The following TNFAIP8L3 variants were observed in gnomAD, a reference collection of about 807,000 sequenced individuals.
TNFAIP8L3 encodes TNF alpha induced protein 8 like 3, also known as tumor necrosis factor alpha-induced protein 8-like protein 3.
Under a neutral mutation model 11.8 loss-of-function variants are expected in TNFAIP8L3, and 7 were observed. That is an observed-to-expected ratio of 0.59 (90% CI 0.34 to 1.11). The LOEUF (loss-of-function observed/expected upper bound fraction) is 1.11, where lower values mean the gene tolerates loss of function less well. Ranked by LOEUF, TNFAIP8L3 falls within the 50% of genes most tolerant of loss-of-function variation. The probability of loss-of-function intolerance (pLI) is 0.03; values close to 1 mark genes in which losing one functional copy is unlikely to be tolerated. For synonymous variants in TNFAIP8L3, 98 were observed against 103.8 expected, an observed-to-expected ratio of 0.94 and a Z score of 0.34; for missense variants, 219 against 258.6, an observed-to-expected ratio of 0.85 and a Z score of 1.05.
intron 1 of TNFAIP8L3, among the ~76,000 whole-genome samples, chr15:51,090,159 AT>A (rs1354087189): frequency 2.6e-5 from 4 of 152,194 alleles, no homozygotes; most frequent in Admixed American, 6.5e-5. Flanking sequence ...TGTCTCCTGC[AT>A]TTCCCTGCCT....
chr15:51,078,820 G>C (rs930808468), intron 1 of TNFAIP8L3, among the ~76,000 whole-genome samples: 1 of 151,880 alleles, frequency 6.6e-6, no homozygotes. Context: ...CGAGGCCTCC[G>C]ACTGTCTATT....
rs768378681 is a variant in TNFAIP8L3 at position 51,058,392 on chromosome 15, ATCT to A, written c.101_103del (p.Lys34del). On this transcript the variant is annotated inframe_deletion, in exon 2 of 2. Coordinates refer to ENST00000637513, the MANE Select transcript of TNFAIP8L3 (RefSeq NM_001311175.2). Reference sequence around the variant, plus strand: ...AGTTTTGCTGGCTATTTTGCTCAGAATCTTCTTCTGGGCTTGAAGCGCAAGACT... The same window carrying A: ...AGTTTTGCTGGCTATTTTGCTCAGAATCTTCTGGGCTTGAAGCGCAAGACT... 9 of 1,612,958 alleles carry A rather than the reference ATCT, an allele frequency of 5.6e-6. No individual in the cohort carries two copies. Among genetic ancestry groups the A allele is most frequent in the East Asian group, 4.5e-5 (2 of 44,884 alleles).
At chr15:51,066,225 C>T (rs1487868315) in intron 1 of TNFAIP8L3, among the ~76,000 whole-genome samples, 1 of 149,808 alleles carries the variant, frequency 6.7e-6, no homozygotes, top group Non-Finnish European at 1.5e-5. Context: ...GGCAGTGGCA[C>T]AGTCTCAGCT....
chr15:51,067,784 G>A (rs1486227981), intron 1 of TNFAIP8L3, among the ~76,000 whole-genome samples: 1 of 152,154 alleles, frequency 6.6e-6, no homozygotes, highest in African/African-American at 2.4e-5. Context: ...TTCAAAAAAT[G>A]CCTGAAAGAA....
intron 1 of TNFAIP8L3, among the ~76,000 whole-genome samples, chr15:51,088,403 C>G (rs1314564734): frequency 6.6e-6 from 1 of 152,170 alleles, no homozygotes; most frequent in Non-Finnish European, 1.5e-5. Flanking sequence ...GCCCTATGCT[C>G]CAAATCCTGC....
intron 1 of TNFAIP8L3, among the ~76,000 whole-genome samples, chr15:51,088,810 C>A (rs1158436147): frequency 6.6e-6 from 1 of 152,212 alleles, no homozygotes; most frequent in Non-Finnish European, 1.5e-5. Flanking sequence ...CACGGACTCC[C>A]CTTCAGGAAC....
intron 1 of TNFAIP8L3, among the ~76,000 whole-genome samples, chr15:51,067,766 C>T (rs2065281521): frequency 6.6e-6 from 1 of 152,160 alleles, no homozygotes; most frequent in Non-Finnish European, 1.5e-5. Context: ...GCAAAATAGC[C>T]CAGTGATTTC....
At chr15:51,060,119 G>A (rs926279810) in intron 1 of TNFAIP8L3, among the ~76,000 whole-genome samples, 1 of 152,200 alleles carries the variant, frequency 6.6e-6, no homozygotes, top group Non-Finnish European at 1.5e-5. Flanking sequence ...CTATGAGAAA[G>A]CTCTGACTTC....
At chr15:51,071,148 T>C (rs1005383782) in intron 1 of TNFAIP8L3, among the ~76,000 whole-genome samples, 1 of 142,388 alleles carries the variant, frequency 7.0e-6, no homozygotes, top group African/African-American at 2.6e-5. Context: ...TAAAAACATA[T>C]ACATAAACAT....
rs138639495 is a variant in TNFAIP8L3, at chr15:51,100,173, G to T, written c.172+4832C>A. On this transcript the variant is annotated intron_variant, in intron 1 of 2. Coordinates refer to the TNFAIP8L3 transcript ENST00000327536. ...TTTGTTGAGTATCCTCTGTGTTTCAGGTGCAAAATGAAGGGAAGTGACTGT... is the reference window on the plus strand; with the variant it reads ...TTTGTTGAGTATCCTCTGTGTTTCATGTGCAAAATGAAGGGAAGTGACTGT... Among the ~76,000 whole-genome samples the T allele has an allele frequency of 2.1e-3, 318 of 152,260 alleles. 1 individual carries two copies. Among genetic ancestry groups the T allele is most frequent in the Admixed American group, 4.9e-3 (75 of 15,304 alleles).
chr15:51,095,081 G>T (rs2065503423), upstream of TNFAIP8L3, among the ~76,000 whole-genome samples: 1 of 152,136 alleles, frequency 6.6e-6, no homozygotes, highest in African/African-American at 2.4e-5. Flanking sequence ...AGGTGAAAAA[G>T]AGCTTCAACT....
chr15:51,061,105 T>G (rs1001831963), intron 1 of TNFAIP8L3, among the ~76,000 whole-genome samples: 1 of 152,220 alleles, frequency 6.6e-6, no homozygotes, highest in Non-Finnish European at 1.5e-5. Flanking sequence ...CACTTCACTC[T>G]GGCCTGATCA....
intron 1 of TNFAIP8L3, among the ~76,000 whole-genome samples, chr15:51,073,284 C>T (rs1032616441): frequency 2.0e-5 from 3 of 152,200 alleles, no homozygotes; most frequent in African/African-American, 7.2e-5. Context: ...GCGTGAGCCA[C>T]CACGCCCAGC....
Position 51,057,779 on chromosome 15 carries a change from A to G in TNFAIP8L3, c.*102T>C, listed in dbSNP as rs1399861007. On this transcript the variant is annotated 3_prime_UTR_variant, in exon 2 of 2. Coordinates refer to ENST00000637513, the MANE Select transcript of TNFAIP8L3 (RefSeq NM_001311175.2). The stretch of plus-strand genomic sequence containing the variant: ...GAGGGATGAACAGGAAAGAACATGG[A>G]CATCTTTGACAAGGGTTTCTGCTTA... 1.0e-6 allele frequency: 1 copy of G among 997,798 alleles called. No individual in the cohort carries two copies. The highest frequency in any genetic ancestry group is 2.4e-5 in the East Asian group (1 of 40,990). 61.8% of individuals were successfully genotyped at this position (997,798 alleles called of 1,614,324 possible).
At chr15:51,069,139 G>A (rs770435357) in intron 1 of TNFAIP8L3, among the ~76,000 whole-genome samples, 8 of 152,162 alleles carry the variant, frequency 5.3e-5, no homozygotes, top group Non-Finnish European at 8.8e-5. Context: ...CCCCTCTGCC[G>A]TGTGACCAGC....
At chr15:51,082,159 T>C (rs67145268) in intron 1 of TNFAIP8L3, among the ~76,000 whole-genome samples, 31,734 of 151,764 alleles carry the variant, frequency 0.21, 3,451 homozygotes, top group East Asian at 0.4. Flanking sequence ...TTAGGGGATT[T>C]TGCCATTGGG....
At chr15:51,058,943 A>T (rs1182403767) in intron 1 of TNFAIP8L3, among the ~76,000 whole-genome samples, 1 of 152,234 alleles carries the variant, frequency 6.6e-6, no homozygotes, top group Non-Finnish European at 1.5e-5. Flanking sequence ...CCCACATATC[A>T]TTGGGTCTAA....
At chr15:51,062,013 C>T (rs2065244962) in intron 1 of TNFAIP8L3, among the ~76,000 whole-genome samples, 1 of 152,108 alleles carries the variant, frequency 6.6e-6, no homozygotes, top group African/African-American at 2.4e-5. Context: ...GCCACCACAC[C>T]CTGTAATCCC....
intron 1 of TNFAIP8L3, among the ~76,000 whole-genome samples, chr15:51,087,496 C>G (rs900500595): frequency 6.6e-6 from 1 of 152,194 alleles, no homozygotes; most frequent in African/African-American, 2.4e-5. Flanking sequence ...CCAGGAGTCT[C>G]CATGAAGCTA....
Sources: gnomAD v4.1 joint callset for allele counts (sites outside exome capture counted in the v4.1 genomes callset) on GRCh38, gnomAD v4.1.1 for gene constraint, MANE v1.5 for transcripts, NCBI Gene and HGNC (gene_info 2026-07-23, HGNC 2026-07-21) for gene names.